CENPE: variants seen among roughly 807,000 people sequenced by gnomAD.
CENPE encodes the protein centromere-associated protein E.
In CENPE, 145 loss-of-function variants were observed where a neutral mutation model predicts 336.1. The ratio of observed to expected loss-of-function variants is 0.43; its 90% CI spans 0.38 to 0.50. The LOEUF is 0.50. Ranked by LOEUF, CENPE falls within the 20% of genes least tolerant of loss-of-function variation. CENPE has a pLI of 0.00. For synonymous variants in CENPE, 1,013 were observed against 984.8 expected, an observed-to-expected ratio of 1.03 and a Z score of -0.54; for missense variants, 2,719 against 3,023.3, an observed-to-expected ratio of 0.90 and a Z score of 2.36.
chr4:103,146,217 T>TTA, intron 29 of CENPE, 110 bp from the exon 30 acceptor site: 1 of 941,772 alleles, frequency 1.1e-6, no homozygotes, highest in Non-Finnish European at 1.6e-6. Flanking sequence ...AGTGCCTCAT[T>TTA]TACAGAGCAA....
At chr4:103,188,074 C>A (rs983257293) in intron 8 of CENPE, among the ~76,000 whole-genome samples, 16 of 152,128 alleles carry the variant, frequency 1.1e-4, no homozygotes, top group South Asian at 8.3e-4. Flanking sequence ...GTAAAGGGAT[C>A]AATTCAACAA....
intron 39 of CENPE, 56 bp downstream of exon 39, chr4:103,138,295 G>T: frequency 1.6e-6 from 2 of 1,212,470 alleles, no homozygotes; most frequent in East Asian, 2.3e-5. Flanking sequence ...TCAGGTTTCG[G>T]TAAGCCTTTG....
At chr4:103,119,870 A>T (rs1180253433) in intron 44 of CENPE, among the ~76,000 whole-genome samples, 1 of 152,158 alleles carries the variant, frequency 6.6e-6, no homozygotes, top group African/African-American at 2.4e-5. Flanking sequence ...TTGATAAGCA[A>T]TTTTTGAAAA....
At chr4:103,186,010 TTC>T (rs1756737668) in intron 8 of CENPE, 149 bp from the exon 9 acceptor site, 1 of 510,860 alleles carries the variant, frequency 2.0e-6, no homozygotes, top group African/African-American at 2.0e-5. Context: ...ATTCCCTTTT[TTC>T]TCTGAGTCAA....
intron 9 of CENPE, among the ~76,000 whole-genome samples, chr4:103,184,751 A>G (rs1382199442): frequency 2.0e-5 from 3 of 152,188 alleles, no homozygotes; most frequent in Admixed American, 2.0e-4. Context: ...TTATAGTAAG[A>G]TAGTAAAATC....
chr4:103,173,762 A>C (rs1356496080), intron 16 of CENPE, among the ~76,000 whole-genome samples: 1 of 151,956 alleles, frequency 6.6e-6, no homozygotes, highest in Non-Finnish European at 1.5e-5. Flanking sequence ...GAAGACATAC[A>C]CATAATATGT....
intron 16 of CENPE, among the ~76,000 whole-genome samples, chr4:103,170,963 G>T (rs924975088): frequency 4.6e-5 from 7 of 152,024 alleles, no homozygotes; most frequent in Non-Finnish European, 1.0e-4. Context: ...TGATAAAGGG[G>T]TCAACTCAGC....
intron 42 of CENPE, among the ~76,000 whole-genome samples, chr4:103,131,531 G>A (rs115374331): frequency 0.011 from 1,641 of 152,264 alleles, 23 homozygotes; most frequent in African/African-American, 0.034. Flanking sequence ...CGCCCCTTTG[G>A]AAGACTGTCT....
intron 46 of CENPE, among the ~76,000 whole-genome samples, chr4:103,111,227 A>C (rs1024360218): frequency 6.6e-6 from 1 of 152,046 alleles, no homozygotes; most frequent in Non-Finnish European, 1.5e-5. Flanking sequence ...CCCTCAACCA[A>C]TTCCACTAAC....
intron 40 of CENPE, among the ~76,000 whole-genome samples, chr4:103,134,635 C>CAAAAA (rs36085712): frequency 6.2e-5 from 4 of 64,772 alleles, no homozygotes; most frequent in African/African-American, 6.3e-5. Flanking sequence ...GACTCCGTCT[C>CAAAAA]AAAAAAAAAA....
At chr4:103,179,305 T>G (rs1197090019) in intron 13 of CENPE, among the ~76,000 whole-genome samples, 1 of 152,226 alleles carries the variant, frequency 6.6e-6, no homozygotes. Flanking sequence ...AATTCTGATG[T>G]CACACACAAG....
Position 103,149,262 on chromosome 4 carries a change from C to T in CENPE, c.3543G>A (p.Arg1181=). The change falls in exon 27 of 49, where the codon AGG becomes AGA. Residue 1181 remains arginine, a synonymous_variant. Transcript: ENST00000265148. The part of the protein sequence containing the change: ...ELTLEHMETE[R]LELAQKLNEN... Reference sequence around the variant, plus strand: ...CATTAAGTTTCTGAGCCAACTCAAGCCTCTCTGTTTCCATATGTTCCAATG... The same window carrying T: ...CATTAAGTTTCTGAGCCAACTCAAGTCTCTCTGTTTCCATATGTTCCAATG... 1 of 1,613,090 alleles carries T rather than the reference C, an allele frequency of 6.2e-7. No individual in the cohort carries two copies. Among genetic ancestry groups the T allele is most frequent in the East Asian group, 2.2e-5 (1 of 44,800 alleles).
At chr4:103,159,978 G>A (rs1287465521) in intron 21 of CENPE, among the ~76,000 whole-genome samples, 1 of 151,844 alleles carries the variant, frequency 6.6e-6, no homozygotes, top group Non-Finnish European at 1.5e-5. Flanking sequence ...CTACAATCAC[G>A]GGTTTAGGAG....
At chr4:103,192,361 T>C (rs139833746) in intron 8 of CENPE, among the ~76,000 whole-genome samples, 202 of 151,278 alleles carry the variant, frequency 1.3e-3, no homozygotes, top group Non-Finnish European at 2.5e-3. Context: ...GAGGGAGGAG[T>C]TCATGTAGAG....
chr4:103,143,422 A>C lies in CENPE; in HGVS notation c.5146-16T>G, dbSNP rs1308841819. On this transcript the variant is annotated splice_polypyrimidine_tract_variant and intron_variant, in intron 33 of 48. Coordinates refer to ENST00000265148, the MANE Select transcript of CENPE (RefSeq NM_001813.3). ...TTTCTAGGTCCTTTATCAATAGAAA[A>C]ATAAAAATAATACATTGAGAGTAGT... is the stretch of plus-strand genomic sequence containing the variant. 3 of 1,492,178 alleles carry C rather than the reference A, an allele frequency of 2.0e-6. No homozygotes were observed. The highest frequency in any genetic ancestry group is 2.3e-5 in the South Asian group (2 of 87,314). 92.4% of individuals were successfully genotyped at this position (1,492,178 alleles called of 1,614,324 possible). A position where few individuals can be genotyped will look rare whatever the true frequency, so the allele number is the denominator to read the frequency against.
intron 8 of CENPE, among the ~76,000 whole-genome samples, chr4:103,188,261 C>T (rs1756980359): frequency 6.6e-6 from 1 of 152,124 alleles, no homozygotes; most frequent in South Asian, 2.1e-4. Flanking sequence ...ACAAAGATAT[C>T]CAGGAATTGA....
chr4:103,177,132 C>A lies in CENPE; in HGVS notation c.1243-86G>T, dbSNP rs971189429. 4.4e-5 allele frequency: 48 copies of A among 1,095,670 alleles called. No individual in the cohort carries two copies. The Admixed American group carries it at 5.3e-4, about 12-fold the overall frequency. The allele number at this position is 1,095,670 out of a possible 1,614,324, so 67.9% of individuals were successfully genotyped here. ...GGGAACTAGTTTCTATTTTTGAAAA[C>A]CATTGACTTGGTAGAATTCTTATTA... On this transcript the variant is annotated intron_variant, in intron 13 of 48. Coordinates refer to ENST00000265148, the MANE Select transcript of CENPE (RefSeq NM_001813.3).
chr4:103,158,926 G>C, intron 22 of CENPE, 40 bp from the exon 23 acceptor site: 1 of 1,567,708 alleles, frequency 6.4e-7, no homozygotes, highest in South Asian at 1.2e-5. Flanking sequence ...AGTAAAAGCA[G>C]AGCAGTCTGA....
At chr4:103,141,720 T>G in intron 35 of CENPE, 30 bp downstream of exon 35, 1 of 1,444,816 alleles carries the variant, frequency 6.9e-7, no homozygotes, top group Non-Finnish European at 9.5e-7. Flanking sequence ...AAATTAGATA[T>G]CCAATCAAAC....
Sources: gnomAD v4.1 joint callset for allele counts (sites outside exome capture counted in the v4.1 genomes callset) on GRCh38, gnomAD v4.1.1 for gene constraint, MANE v1.5 for transcripts, NCBI Gene and HGNC (gene_info 2026-07-23, HGNC 2026-07-21) for gene names.